Variants in LPAR3 observed in about 807,000 individuals in gnomAD.
LPAR3 encodes LPA receptor 3.
Under a neutral mutation model 17.8 loss-of-function variants are expected in LPAR3, and 7 were observed. The observed-to-expected ratio is 0.39, with a 90% confidence interval of 0.22 to 0.74. The LOEUF is 0.74. Ranked by LOEUF, LPAR3 falls within the 30% of genes least tolerant of loss-of-function variation. The probability of loss-of-function intolerance (pLI) is 0.40; values close to 1 mark genes in which losing one functional copy is unlikely to be tolerated. For missense variants in LPAR3, 391 were observed against 453.4 expected (o/e 0.86, Z 1.25); for synonymous variants, 179 against 179.9 (o/e 0.99, Z 0.04).
chr1:84,890,668 T>C (rs895331534), intron 1 of LPAR3, among the ~76,000 whole-genome samples: 19 of 152,212 alleles, frequency 1.2e-4, no homozygotes, highest in Admixed American at 1.3e-4. Flanking sequence ...TTAACCACTC[T>C]GTTGGGTATA....
chr1:84,888,845 T>A (rs1477155861), intron 1 of LPAR3, among the ~76,000 whole-genome samples: 2 of 152,144 alleles, frequency 1.3e-5, no homozygotes, highest in African/African-American at 2.4e-5. Flanking sequence ...CAGCTTAATG[T>A]CCCAGGGAAC....
rs564348286 is a variant in LPAR3, at chr1:84,854,483, C to T, written c.736+10902G>A. On this transcript the variant is annotated intron_variant, in intron 2 of 2. Transcript: ENST00000370611. ...TGGAAATAGGGTTCTCTATTAGTCA[C>T]ACACAGGAAAAGCCACACAGAACAG... Among the ~76,000 whole-genome samples, 47 of 152,286 alleles carry T rather than the reference C, an allele frequency of 3.1e-4. 1 individual carries two copies. In the South Asian group the frequency reaches 9.1e-3, roughly 30 times the overall value.
chr1:84,882,778 T>A (rs774193822), intron 1 of LPAR3, among the ~76,000 whole-genome samples: 1 of 152,204 alleles, frequency 6.6e-6, no homozygotes, highest in Non-Finnish European at 1.5e-5. Flanking sequence ...GTAACAAACC[T>A]GCACGTTGTG....
rs1046825750 is a variant in LPAR3 at position 84,815,001 on chromosome 1, T to C, written c.737-830A>G. On this transcript the variant is annotated intron_variant, in intron 2 of 2. Transcript: ENST00000370611. ...ACATGGGTCCACTATTTCCCTACTA[T>C]TATCATAACCTCAGATAGCAATAAC... Among the ~76,000 whole-genome samples the C allele has an allele frequency of 2.0e-5, 3 of 152,180 alleles. No homozygotes were observed. In the East Asian group the frequency reaches 5.8e-4, roughly 29 times the overall value.
At chr1:84,890,373 A>C (rs1660531450) in intron 1 of LPAR3, among the ~76,000 whole-genome samples, 1 of 152,242 alleles carries the variant, frequency 6.6e-6, no homozygotes, top group Non-Finnish European at 1.5e-5. Context: ...TTAATACTTA[A>C]ATTTTTATCT....
intron 2 of LPAR3, among the ~76,000 whole-genome samples, chr1:84,827,904 A>G (rs1440249324): frequency 6.6e-6 from 1 of 152,202 alleles, no homozygotes; most frequent in Non-Finnish European, 1.5e-5. Context: ...CACATGGGCT[A>G]ATTTTAAGAA....
intron 1 of LPAR3, among the ~76,000 whole-genome samples, chr1:84,887,892 T>C (rs1484437162): frequency 6.6e-6 from 1 of 152,100 alleles, no homozygotes; most frequent in Non-Finnish European, 1.5e-5. Flanking sequence ...GTAACATGAA[T>C]CCTAGATCAG....
intron 2 of LPAR3, among the ~76,000 whole-genome samples, chr1:84,821,932 T>TA (rs1294906606): frequency 7.9e-5 from 12 of 152,158 alleles, no homozygotes; most frequent in African/African-American, 2.4e-4. Context: ...ATCAGGCACT[T>TA]AGAGTGTCTG....
chr1:84,818,926 A>G (rs141830383), intron 2 of LPAR3, among the ~76,000 whole-genome samples: 1 of 151,786 alleles, frequency 6.6e-6, no homozygotes, highest in Non-Finnish European at 1.5e-5. Flanking sequence ...ATTTTTTTCT[A>G]TGTTTCGCTT....
intron 2 of LPAR3, among the ~76,000 whole-genome samples, chr1:84,833,340 A>T (rs1229170243): frequency 6.6e-6 from 1 of 152,200 alleles, no homozygotes; most frequent in African/African-American, 2.4e-5. Flanking sequence ...TTACCTAATG[A>T]TATAGACAAA....
chr1:84,885,405 AG>A (rs1228519790), intron 1 of LPAR3, among the ~76,000 whole-genome samples: 1 of 152,260 alleles, frequency 6.6e-6, no homozygotes, highest in East Asian at 1.9e-4. Context: ...TGGGGAAAAT[AG>A]TACCCTCATA....
chr1:84,842,114 G>C (rs1659515168), intron 2 of LPAR3, among the ~76,000 whole-genome samples: 1 of 152,188 alleles, frequency 6.6e-6, no homozygotes, highest in Non-Finnish European at 1.5e-5. Context: ...CTAGTTCCAG[G>C]ATGTTCCTTA....
chr1:84,867,054 G>A (rs528631646), intron 1 of LPAR3, among the ~76,000 whole-genome samples: 1 of 152,300 alleles, frequency 6.6e-6, no homozygotes, highest in Admixed American at 6.5e-5. Context: ...ATGTTCTTCA[G>A]ACACTTGTCT....
intron 1 of LPAR3, among the ~76,000 whole-genome samples, chr1:84,883,988 T>C (rs1479112859): frequency 6.6e-6 from 1 of 152,274 alleles, no homozygotes; most frequent in African/African-American, 2.4e-5. Flanking sequence ...CTCCTTGCTT[T>C]GTGCTAATAA....
intron 2 of LPAR3, among the ~76,000 whole-genome samples, chr1:84,852,851 C>G (rs1659745979): frequency 6.6e-6 from 1 of 152,164 alleles, no homozygotes; most frequent in Non-Finnish European, 1.5e-5. Context: ...ATCACTAAAT[C>G]TGGCAACTAG....
intron 1 of LPAR3, among the ~76,000 whole-genome samples, chr1:84,888,021 TAGG>T (rs1164795240): frequency 1.3e-5 from 2 of 152,012 alleles, no homozygotes; most frequent in Admixed American, 6.5e-5. Flanking sequence ...GCTGGTTATA[TAGG>T]AGGACAGAGT....
At chr1:84,817,357 T>C (rs952305701) in intron 2 of LPAR3, among the ~76,000 whole-genome samples, 2 of 152,048 alleles carry the variant, frequency 1.3e-5, no homozygotes, top group Admixed American at 6.6e-5. Context: ...ACATTCTCTA[T>C]GAATTCTCCA....
intron 2 of LPAR3, among the ~76,000 whole-genome samples, chr1:84,827,974 C>CAGCT (rs1280407132): frequency 6.6e-6 from 1 of 151,890 alleles, no homozygotes; most frequent in East Asian, 1.9e-4. Flanking sequence ...GAAAATCAAA[C>CAGCT]AAACAAAAAA....
chr1:84,849,620 G>A (rs182145268), intron 2 of LPAR3, among the ~76,000 whole-genome samples: 117 of 152,200 alleles, frequency 7.7e-4, no homozygotes, highest in African/African-American at 2.5e-3. Context: ...TCTAAGGGGA[G>A]TCCCTGGGAT....
Sources: gnomAD v4.1 joint callset for allele counts (sites outside exome capture counted in the v4.1 genomes callset) on GRCh38, gnomAD v4.1.1 for gene constraint, MANE v1.5 for transcripts, NCBI Gene and HGNC (gene_info 2026-07-23, HGNC 2026-07-21) for gene names.